ITSN2: variants seen among roughly 807,000 people sequenced by gnomAD.
ITSN2 encodes the protein intersectin-2.
ITSN2 carries 156 observed loss-of-function variants against 243.7 expected under a neutral mutation model. That is an observed-to-expected ratio of 0.64 (90% CI 0.56 to 0.73). The LOEUF (loss-of-function observed/expected upper bound fraction) is 0.73. Among genes scored for constraint, ITSN2 ranks in the 30% least tolerant of loss-of-function variants. ITSN2 has a pLI of 0.00. For synonymous variants in ITSN2, 703 were observed against 699.9 expected (o/e 1.00, Z -0.07); for missense variants, 1,801 against 1,996.1 (o/e 0.90, Z 1.86).
chr2:24,348,301 A>G (rs1207052624), intron 1 of ITSN2, among the ~76,000 whole-genome samples: 1 of 149,906 alleles, frequency 6.7e-6, no homozygotes, highest in Non-Finnish European at 1.5e-5. Context: ...CAGCCTCCCA[A>G]GTAGCTGGGA....
At chr2:24,274,972 A>G (rs916326171) in intron 18 of ITSN2, among the ~76,000 whole-genome samples, 1 of 152,258 alleles carries the variant, frequency 6.6e-6, no homozygotes, top group Non-Finnish European at 1.5e-5. Context: ...TTCTAAATGA[A>G]TAATTCTAGG....
intron 1 of ITSN2, among the ~76,000 whole-genome samples, chr2:24,339,346 C>CT (rs1315912213): frequency 6.6e-6 from 1 of 151,874 alleles, no homozygotes; most frequent in Non-Finnish European, 1.5e-5. Context: ...CGGTGCATGC[C>CT]TGTAGTCCCA....
At chr2:24,242,550 A>T (rs1007642571) in intron 29 of ITSN2, among the ~76,000 whole-genome samples, 1 of 152,326 alleles carries the variant, frequency 6.6e-6, no homozygotes, top group South Asian at 2.1e-4. Flanking sequence ...TTAAAATTAT[A>T]GGTTTATATA....
rs570478256 is a variant in ITSN2, at chr2:24,290,765, C to T, written c.1723+2923G>A. Among the ~76,000 whole-genome samples, 22 of 152,300 alleles carry T rather than the reference C, an allele frequency of 1.4e-4. No homozygotes were observed. The South Asian group carries it at 4.1e-3, about 29-fold the overall frequency. ...TAAGTGCCAACTTTATCTTATCCTA[C>T]GTTGCCATACATGCATGGGCTTTCT... On this transcript the variant is annotated intron_variant, in intron 15 of 39. Transcript: ENST00000355123.
chr2:24,204,530 T>C lies in ITSN2; in HGVS notation c.4763-112A>G. On this transcript the variant is annotated intron_variant, in intron 38 of 39. Coordinates refer to ENST00000355123, the MANE Select transcript of ITSN2 (RefSeq NM_006277.3). The surrounding 1 kb of genome is among the most constrained non-coding windows in gnomAD (Gnocchi z 5.1). Reference sequence around the variant, plus strand: ...TCCAATAATGGGTCACTCGAGACCATGGCAGCAGGAGCCGCTGCCTGGGGC... The same window carrying C: ...TCCAATAATGGGTCACTCGAGACCACGGCAGCAGGAGCCGCTGCCTGGGGC... The C allele has an allele frequency of 5.0e-6, 5 of 990,590 alleles. No homozygotes were observed. The South Asian group carries it at 6.5e-5, about 13-fold the overall frequency. 61.4% of individuals were successfully genotyped at this position (990,590 alleles called of 1,614,324 possible). A position where few individuals can be genotyped will look rare whatever the true frequency, so the allele number is the denominator to read the frequency against.
intron 18 of ITSN2, 148 bp downstream of exon 18, chr2:24,275,565 G>T: frequency 2.0e-6 from 1 of 492,214 alleles, no homozygotes; most frequent in Non-Finnish European, 3.4e-6. Flanking sequence ...CTGCAAACTT[G>T]ATCCCTAAAA....
chr2:24,301,198 GA>G lies in ITSN2; in HGVS notation c.1036del (p.Ser346HisfsTer40). 6.2e-7 allele frequency: 1 copy of G among 1,608,248 alleles called. No homozygotes were observed. The highest frequency in any genetic ancestry group is 8.5e-7 in the Non-Finnish European group (1 of 1,176,506). ...QIDSINGTLPSYQKMQEEEPQ... is the reference protein window; with the variant it reads ...QIDSINGTLPXYQKMQEEEPQ... ...CTCCTCTTCTTGCATTTTCTGATAT[GA>G]AGGCAGAGTTCCATTAATGGAATCA... On this transcript the variant is annotated frameshift_variant, in exon 11 of 40. Transcript: ENST00000355123. LOFTEE classifies it high-confidence loss of function.
intron 29 of ITSN2, among the ~76,000 whole-genome samples, chr2:24,231,518 G>A (rs1453613265): frequency 6.6e-6 from 1 of 152,184 alleles, no homozygotes; most frequent in Non-Finnish European, 1.5e-5. Flanking sequence ...GTTCCCAGAG[G>A]AATAATTAGT....
At chr2:24,286,994 TTTTAAC>T (rs2151564468) in intron 15 of ITSN2, among the ~76,000 whole-genome samples, 1 of 152,296 alleles carries the variant, frequency 6.6e-6, no homozygotes, top group African/African-American at 2.4e-5. Context: ...AAATGTCTGT[TTTTAAC>T]TTTATCATAT....
Position 24,308,694 on chromosome 2 carries a change from G to A in ITSN2, c.716C>T (p.Ala239Val). Reference sequence around the variant, plus strand: ...TTTTAATCTTGTAGGCTGAGGAACTGCCCACTCTGAGGTCCCAGTCTTGGG... The same window carrying A: ...TTTTAATCTTGTAGGCTGAGGAACTACCCACTCTGAGGTCCCAGTCTTGGG... Reference protein sequence around the residue: ...NSPKTGTSEWAVPQPTRLKYR... With the variant: ...NSPKTGTSEWVVPQPTRLKYR... The change falls in exon 8 of 40, where the codon GCA becomes GTA. Residue 239 changes from alanine (A) to valine (V), a missense_variant. Ala to Val is a moderately conservative substitution (Grantham distance 64, BLOSUM62 0). Coordinates refer to ENST00000355123, the MANE Select transcript of ITSN2 (RefSeq NM_006277.3). The A allele has an allele frequency of 6.5e-7, 1 of 1,530,146 alleles. No homozygotes were observed. The highest frequency in any genetic ancestry group is 2.4e-5 in the East Asian group (1 of 42,212). 94.8% of individuals were successfully genotyped at this position (1,530,146 alleles called of 1,614,324 possible).
chr2:24,342,786 C>T (rs988995479), intron 1 of ITSN2, among the ~76,000 whole-genome samples: 2 of 151,872 alleles, frequency 1.3e-5, no homozygotes, highest in Non-Finnish European at 2.9e-5. Flanking sequence ...AGATTACTTA[C>T]TCACATGAAA....
upstream of ITSN2, chr2:24,360,606 C>CCGCCCGCTGCCGGGCACT (rs1558685848): frequency 1.3e-5 from 2 of 152,246 alleles, no homozygotes; most frequent in Admixed American, 1.3e-4. Context: ...TGCCGGGCAC[C>CCGCCCGCTGCCGGGCACT]GACTCCCCAC....
At chr2:24,233,090 G>A (rs1465090823) in intron 29 of ITSN2, among the ~76,000 whole-genome samples, 6 of 152,142 alleles carry the variant, frequency 3.9e-5, no homozygotes, top group Non-Finnish European at 7.4e-5. Context: ...ACTGTTCCAT[G>A]CACTGTAGCA....
At chr2:24,330,546 G>C in intron 1 of ITSN2, 1 of 790,422 alleles carries the variant, frequency 1.3e-6, no homozygotes, top group East Asian at 2.5e-5. Context: ...TGCAAAGAAG[G>C]GAGAGAAGGT....
intron 10 of ITSN2, among the ~76,000 whole-genome samples, chr2:24,301,527 T>C (rs1322209617): frequency 1.5e-5 from 2 of 137,646 alleles, no homozygotes; most frequent in Admixed American, 7.3e-5. Flanking sequence ...CATCCACTTC[T>C]TTTTTTTTTT....
intron 1 of ITSN2, among the ~76,000 whole-genome samples, chr2:24,342,856 G>A (rs754109859): frequency 4.7e-4 from 72 of 151,992 alleles, no homozygotes; most frequent in Admixed American, 8.5e-4. Context: ...TTGGGAGGCC[G>A]AGGCAAGTGG....
intron 1 of ITSN2, among the ~76,000 whole-genome samples, chr2:24,350,447 T>A (rs2551146): frequency 0.98 from 148,875 of 152,290 alleles, 72,766 homozygotes; most frequent in East Asian, 0.99. Context: ...TAGGTTACCA[T>A]GTTAAGTCAG....
At chr2:24,322,591 A>G (rs1161010715) in intron 2 of ITSN2, among the ~76,000 whole-genome samples, 4 of 152,314 alleles carry the variant, frequency 2.6e-5, no homozygotes, top group South Asian at 2.1e-4. Context: ...TTAACTCTCA[A>G]TGAATCACAG....
At chr2:24,353,425 T>C (rs1688188834) in intron 1 of ITSN2, among the ~76,000 whole-genome samples, 1 of 152,052 alleles carries the variant, frequency 6.6e-6, no homozygotes, top group Admixed American at 6.6e-5. Context: ...GGTGTAAACC[T>C]GCCTCAATAA....
Sources: allele counts gnomAD v4.1 joint callset (sites outside exome capture counted in the v4.1 genomes callset), GRCh38; gene constraint gnomAD v4.1.1; non-coding constraint Gnocchi (gnomAD v3.1); transcripts MANE v1.5; gene names NCBI Gene and HGNC (gene_info 2026-07-23, HGNC 2026-07-21).